Variants in ZBTB20 observed in about 807,000 individuals in gnomAD.
The protein encoded by ZBTB20 is zinc finger and BTB domain containing 20.
In ZBTB20, 9 loss-of-function variants were observed where a neutral mutation model predicts 56.9. That is an observed-to-expected ratio of 0.16 (90% CI 0.10 to 0.28). ZBTB20 has a LOEUF of 0.28. ZBTB20 is among the 10% of genes least tolerant of loss of function. The pLI is 1.00. For missense variants in ZBTB20, 655 were observed against 1,003.0 expected (o/e 0.65, Z 4.69); for synonymous variants, 417 against 420.7 (o/e 0.99, Z 0.11).
intron 4 of ZBTB20, chr3:114,873,898 T>G (rs1576186753): frequency 6.6e-6 from 1 of 152,218 alleles, no homozygotes; most frequent in East Asian, 1.9e-4. Flanking sequence ...TATTTTAAAA[T>G]GAAATTGTTC....
chr3:114,695,020 T>A (rs2062919591), intron 5 of ZBTB20, among the ~76,000 whole-genome samples: 1 of 152,072 alleles, frequency 6.6e-6, no homozygotes, highest in Non-Finnish European at 1.5e-5. Flanking sequence ...GCAGGTCCCT[T>A]ACGAGTTCAC....
At position 115,048,011 on chromosome 3, in the gene ZBTB20, G is replaced by T. The variant is rs372155802; in HGVS notation, c.-507+23208C>A. 9.9e-5 allele frequency among the ~76,000 whole-genome samples: 15 copies of T among 152,130 alleles called. No individual in the cohort carries two copies. In the East Asian group the frequency reaches 2.9e-3, roughly 29 times the overall value. ...TGAGGCAGGCAGAACACGAGGTCAGGAGATCGAGACCATCCTGGCTAACAC... is the reference window on the plus strand; with the variant it reads ...TGAGGCAGGCAGAACACGAGGTCAGTAGATCGAGACCATCCTGGCTAACAC... On this transcript the variant is annotated intron_variant, in intron 2 of 11. Coordinates refer to ENST00000675478, the MANE Select transcript of ZBTB20 (RefSeq NM_001348800.3).
intron 7 of ZBTB20, among the ~76,000 whole-genome samples, chr3:114,448,896 T>C (rs1459530480): frequency 6.6e-6 from 1 of 152,152 alleles, no homozygotes; most frequent in Non-Finnish European, 1.5e-5. Context: ...TAGGTTAAAA[T>C]AGAATTAATG....
intron 6 of ZBTB20, among the ~76,000 whole-genome samples, chr3:114,526,647 C>G (rs1418187981): frequency 6.6e-6 from 1 of 152,156 alleles, no homozygotes; most frequent in East Asian, 1.9e-4. Flanking sequence ...CCAGGTTTTG[C>G]TACAGTAATA....
chr3:114,849,957 T>C (rs961721164), intron 4 of ZBTB20, among the ~76,000 whole-genome samples: 2 of 138,374 alleles, frequency 1.4e-5, no homozygotes, highest in African/African-American at 5.3e-5. Flanking sequence ...TGGAGTGCAA[T>C]GGCGCAATCT....
At chr3:115,026,284 T>C (rs1346360276) in intron 2 of ZBTB20, among the ~76,000 whole-genome samples, 2 of 151,052 alleles carry the variant, frequency 1.3e-5, no homozygotes, top group Non-Finnish European at 3.0e-5. Flanking sequence ...CTGTGCTTAC[T>C]GACAATCTGT....
intron 6 of ZBTB20, among the ~76,000 whole-genome samples, chr3:114,678,702 C>A (rs2061785233): frequency 2.0e-5 from 3 of 152,106 alleles, no homozygotes; most frequent in Admixed American, 2.0e-4. Context: ...GAATTACTTA[C>A]AATGTAATGC....
intron 6 of ZBTB20, among the ~76,000 whole-genome samples, chr3:114,685,421 C>G (rs139271298): frequency 6.6e-6 from 1 of 152,300 alleles, no homozygotes; most frequent in Admixed American, 6.5e-5. Flanking sequence ...GAACTCAGGA[C>G]AACAATCAGT....
chr3:114,419,083 C>T (rs1018516185), intron 7 of ZBTB20: 1 of 152,064 alleles, frequency 6.6e-6, no homozygotes, highest in Non-Finnish European at 1.5e-5. Context: ...AATGTTTGTT[C>T]GCACACGGTA....
intron 5 of ZBTB20, among the ~76,000 whole-genome samples, chr3:114,696,021 A>G (rs2062991679): frequency 6.6e-6 from 1 of 152,078 alleles, no homozygotes; most frequent in Non-Finnish European, 1.5e-5. Flanking sequence ...ATATATATAT[A>G]CTAGCTTAGT....
At chr3:114,380,670 C>G (rs2084214984) in intron 9 of ZBTB20, 107 bp downstream of exon 9, 1 of 1,413,518 alleles carries the variant, frequency 7.1e-7, no homozygotes, top group East Asian at 2.5e-5. Context: ...TGTCCCAGAA[C>G]TTTAGACAGC....
At chr3:114,958,473 G>A (rs2077324905) in intron 3 of ZBTB20, among the ~76,000 whole-genome samples, 1 of 152,114 alleles carries the variant, frequency 6.6e-6, no homozygotes, top group Non-Finnish European at 1.5e-5. Flanking sequence ...TGGAGTGGGT[G>A]AGATTTTCTT....
intron 5 of ZBTB20, among the ~76,000 whole-genome samples, chr3:114,745,716 A>G (rs2066988358): frequency 6.6e-6 from 1 of 152,194 alleles, no homozygotes; most frequent in Admixed American, 6.5e-5. Context: ...GCAAATGCAT[A>G]TTCACAAAAC....
chr3:114,459,178 A>T (rs2092201346), intron 7 of ZBTB20, among the ~76,000 whole-genome samples: 2 of 152,150 alleles, frequency 1.3e-5, no homozygotes, highest in African/African-American at 4.8e-5. Context: ...TCATAATTTG[A>T]TTTACTTTCA....
intron 6 of ZBTB20, among the ~76,000 whole-genome samples, chr3:114,676,339 G>A (rs2061624029): frequency 6.6e-6 from 1 of 152,096 alleles, no homozygotes; most frequent in Non-Finnish European, 1.5e-5. Flanking sequence ...GTTTCCTTCT[G>A]TATAAAGTAG....
At chr3:114,377,380 TTTC>T (rs1376380629) in intron 10 of ZBTB20, among the ~76,000 whole-genome samples, 3 of 152,202 alleles carry the variant, frequency 2.0e-5, no homozygotes, top group Admixed American at 6.5e-5. Flanking sequence ...CTCAACTATA[TTTC>T]TTCTTGTTTT....
intron 2 of ZBTB20, among the ~76,000 whole-genome samples, chr3:115,045,981 T>G (rs994858612): frequency 1.3e-5 from 2 of 152,230 alleles, no homozygotes; most frequent in Non-Finnish European, 2.9e-5. Flanking sequence ...TATCTCTTAC[T>G]GGCTCAATGA....
chr3:114,614,123 A>T (rs1409755317), intron 6 of ZBTB20, among the ~76,000 whole-genome samples: 1 of 152,328 alleles, frequency 6.6e-6, no homozygotes, highest in African/African-American at 2.4e-5. Flanking sequence ...AAATTCAGGT[A>T]ACCAACAAAA....
intron 10 of ZBTB20, among the ~76,000 whole-genome samples, chr3:114,353,409 G>A (rs1426000430): frequency 6.6e-6 from 1 of 152,196 alleles, no homozygotes; most frequent in Admixed American, 6.5e-5. Context: ...CATGGTATGA[G>A]CTTAACTTAA....
Sources: allele counts gnomAD v4.1 joint callset (sites outside exome capture counted in the v4.1 genomes callset), GRCh38; gene constraint gnomAD v4.1.1; transcripts MANE v1.5; gene names NCBI Gene and HGNC (gene_info 2026-07-23, HGNC 2026-07-21).